Variants in SP140L observed in about 807,000 individuals in gnomAD.
The protein encoded by SP140L is SP140 like nuclear body protein.
A neutral mutation model predicts 84.3 loss-of-function variants in SP140L; 64 were observed. That is an observed-to-expected ratio of 0.76 (90% confidence interval 0.62 to 0.94). The LOEUF (loss-of-function observed/expected upper bound fraction) is 0.94. Ranked by LOEUF, SP140L falls within the 40% of genes least tolerant of loss-of-function variation. The probability of loss-of-function intolerance (pLI) is 0.00; values close to 1 mark genes in which losing one functional copy is unlikely to be tolerated. For missense variants in SP140L, 628 were observed against 692.5 expected (o/e 0.91, Z 1.05); for synonymous variants, 242 against 236.9 (o/e 1.02, Z -0.20).
intron 14 of SP140L, 28 bp from the exon 15 acceptor site, chr2:230,400,099 G>A (rs1404475639): frequency 5.0e-6 from 8 of 1,612,548 alleles, no homozygotes; most frequent in Non-Finnish European, 5.9e-6. Context: ...GTGATTCCCA[G>A]TGACGTGGAC....
At chr2:230,366,731 T>TTAC (rs2149753476) in intron 5 of SP140L, among the ~76,000 whole-genome samples, 1 of 148,086 alleles carries the variant, frequency 6.8e-6, no homozygotes, top group Admixed American at 6.8e-5. Context: ...ATTATTATTA[T>TTAC]TATTATTATT....
At chr2:230,334,758 C>T (rs1461073410) in intron 2 of SP140L, among the ~76,000 whole-genome samples, 4 of 151,796 alleles carry the variant, frequency 2.6e-5, no homozygotes, top group African/African-American at 9.7e-5. Flanking sequence ...CAGACATTAC[C>T]TGTTCCTTGA....
chr2:230,371,930 T>G (rs1050812584), intron 7 of SP140L: 9 of 366,594 alleles, frequency 2.5e-5, no homozygotes, highest in African/African-American at 1.9e-4. Context: ...CTTGTAGGCT[T>G]TAAAGAGTGG....
chr2:230,358,025 C>A, intron 3 of SP140L, 58 bp downstream of exon 3: 6 of 1,579,174 alleles, frequency 3.8e-6, no homozygotes, highest in Non-Finnish European at 5.2e-6. Context: ...ACAAGTATTT[C>A]TGTAAGTGCT....
intron 2 of SP140L, among the ~76,000 whole-genome samples, chr2:230,341,280 G>A (rs903500509): frequency 2.8e-5 from 4 of 143,656 alleles, no homozygotes; most frequent in African/African-American, 5.2e-5. Context: ...CCAGTTGATC[G>A]CATCGGCTCC....
intron 6 of SP140L, among the ~76,000 whole-genome samples, chr2:230,371,380 T>A (rs193175471): frequency 7.9e-4 from 121 of 152,326 alleles, no homozygotes; most frequent in African/African-American, 2.8e-3. Context: ...ACTGCAGGTC[T>A]ACTCTTAGCC....
chr2:230,338,834 C>G (rs377141497), intron 2 of SP140L, among the ~76,000 whole-genome samples: 1 of 143,702 alleles, frequency 7.0e-6, no homozygotes. Context: ...CCTTGCATCC[C>G]AAGGATGAAG....
chr2:230,396,217 C>T (rs1575550453), intron 13 of SP140L, among the ~76,000 whole-genome samples: 1 of 152,206 alleles, frequency 6.6e-6, no homozygotes. Flanking sequence ...GGGAATGGGA[C>T]TTGCATTGGG....
intron 2 of SP140L, among the ~76,000 whole-genome samples, chr2:230,354,843 A>AAG (rs1652702008): frequency 7.9e-6 from 1 of 126,180 alleles, no homozygotes; most frequent in Non-Finnish European, 1.7e-5. Flanking sequence ...CAAGAAAGAA[A>AAG]GAAAGGAAAG....
chr2:230,347,489 A>G (rs1452440162), intron 2 of SP140L, among the ~76,000 whole-genome samples: 2 of 151,846 alleles, frequency 1.3e-5, no homozygotes, highest in East Asian at 3.9e-4. Flanking sequence ...CATTCTCTGG[A>G]ATCCCTGGTT....
At chr2:230,333,119 C>G (rs1179094309) in intron 2 of SP140L, among the ~76,000 whole-genome samples, 1 of 151,442 alleles carries the variant, frequency 6.6e-6, no homozygotes, top group Non-Finnish European at 1.5e-5. Context: ...GGTTAACTGC[C>G]TTGCAGTTTT....
chr2:230,351,728 C>A (rs186407857), intron 2 of SP140L, among the ~76,000 whole-genome samples: 1 of 152,092 alleles, frequency 6.6e-6, no homozygotes, highest in Admixed American at 6.5e-5. Context: ...CTTACTATAA[C>A]CCTGACCTCA....
At chr2:230,356,568 CCT>C (rs1326078775) in intron 2 of SP140L, among the ~76,000 whole-genome samples, 1 of 152,186 alleles carries the variant, frequency 6.6e-6, no homozygotes, top group African/African-American at 2.4e-5. Context: ...ATGGTTGCCC[CCT>C]GAGAGGCTGC....
Position 230,402,919 on chromosome 2 carries a change from C to A in SP140L, c.*23C>A. The A allele has an allele frequency of 6.3e-7, 1 of 1,580,756 alleles. No homozygotes were observed. On this transcript the variant is annotated 3_prime_UTR_variant, in exon 19 of 19. Coordinates refer to ENST00000415673, the MANE Select transcript of SP140L (RefSeq NM_138402.6). ...TGACTGGTTTAGTGGATGCTGAAGG[C>A]CTTCAGGAAATATGCTACTGGTTGC...
intron 13 of SP140L, among the ~76,000 whole-genome samples, chr2:230,395,677 G>C (rs572799959): frequency 6.6e-6 from 1 of 152,376 alleles, no homozygotes; most frequent in East Asian, 1.9e-4. Context: ...GACGCACTCA[G>C]TGACAAGGTC....
chr2:230,339,629 A>G (rs1369374957), intron 2 of SP140L, among the ~76,000 whole-genome samples: 1 of 147,302 alleles, frequency 6.8e-6, no homozygotes, highest in Non-Finnish European at 1.5e-5. Flanking sequence ...TCTTGTGGGC[A>G]TTTAGTGCTA....
At chr2:230,357,568 C>G (rs1347279792) in intron 2 of SP140L, among the ~76,000 whole-genome samples, 1 of 152,110 alleles carries the variant, frequency 6.6e-6, no homozygotes, top group Non-Finnish European at 1.5e-5. Context: ...TGACTTTGTT[C>G]AGTTTAGACT....
intron 2 of SP140L, among the ~76,000 whole-genome samples, chr2:230,354,853 G>GAAAGAAAGA (rs2060476360): frequency 1.9e-5 from 1 of 53,030 alleles, no homozygotes; most frequent in Non-Finnish European, 3.7e-5. Flanking sequence ...AGAAAGGAAA[G>GAAAGAAAGA]AAAGAAAGAA....
At chr2:230,374,793 G>A (rs773024950) in intron 7 of SP140L, among the ~76,000 whole-genome samples, 18 of 152,052 alleles carry the variant, frequency 1.2e-4, no homozygotes, top group Non-Finnish European at 2.5e-4. Context: ...TTTAATTAAG[G>A]TATGCCCATT....
Sources: gnomAD v4.1 joint callset for allele counts (sites outside exome capture counted in the v4.1 genomes callset) on GRCh38, gnomAD v4.1.1 for gene constraint, MANE v1.5 for transcripts, NCBI Gene and HGNC (gene_info 2026-07-23, HGNC 2026-07-21) for gene names.